Variants in LATS2 observed in about 807,000 individuals in gnomAD.
LATS2 encodes the protein large tumor suppressor kinase 2.
In LATS2, 24 loss-of-function variants were observed where a neutral mutation model predicts 76.0. The ratio of observed to expected loss-of-function variants is 0.32; its 90% CI spans 0.23 to 0.44. LATS2 has a LOEUF of 0.44. LATS2 is among the 20% of genes least tolerant of loss of function. LATS2 has a pLI of 1.00. For synonymous variants in LATS2, 692 were observed against 635.4 expected (o/e 1.09, Z -1.34); for missense variants, 1,286 against 1,481.2 (o/e 0.87, Z 2.16).
At chr13:21,040,249 T>C (rs981732217) in intron 2 of LATS2, among the ~76,000 whole-genome samples, 4 of 151,156 alleles carry the variant, frequency 2.6e-5, no homozygotes, top group African/African-American at 7.3e-5. Flanking sequence ...TAGCCAGACA[T>C]GGTGATGTGC....
intron 1 of LATS2, among the ~76,000 whole-genome samples, chr13:21,050,073 T>C (rs1218244397): frequency 6.7e-6 from 1 of 150,284 alleles, no homozygotes. Flanking sequence ...TGAGCTGAGA[T>C]TGTGCCACTG....
At chr13:21,028,390 A>AT (rs1216980140) in intron 2 of LATS2, among the ~76,000 whole-genome samples, 1 of 152,090 alleles carries the variant, frequency 6.6e-6, no homozygotes, top group Non-Finnish European at 1.5e-5. Context: ...CAATAAACAT[A>AT]TGTGTGCATG....
In LATS2 at chr13:21,032,751, AAAAG is replaced by A. The variant is rs759786158; in HGVS notation, c.342+12930_342+12933del. 1.0e-3 allele frequency among the ~76,000 whole-genome samples: 156 copies of A among 152,206 alleles called. 1 individual carries two copies. Among genetic ancestry groups the A allele is most frequent in the Admixed American group, 4.1e-3 (63 of 15,280 alleles). ...GGTACCGACACAAATGGGAATTCAGAAAAGAAAGAACTTAGCGGGCACTGGGATG... is the reference window on the plus strand; with the variant it reads ...GGTACCGACACAAATGGGAATTCAGAAAAGAACTTAGCGGGCACTGGGATG... On this transcript the variant is annotated intron_variant, in intron 2 of 7. Coordinates refer to ENST00000382592, the MANE Select transcript of LATS2 (RefSeq NM_014572.3).
intron 2 of LATS2, among the ~76,000 whole-genome samples, chr13:21,011,115 T>C (rs1004781762): frequency 2.0e-5 from 3 of 152,254 alleles, no homozygotes; most frequent in Non-Finnish European, 4.4e-5. Flanking sequence ...GGCATGTTGA[T>C]TTTTGCAGAA....
At chr13:21,036,832 T>C (rs920227759) in intron 2 of LATS2, among the ~76,000 whole-genome samples, 1 of 152,096 alleles carries the variant, frequency 6.6e-6, no homozygotes, top group Non-Finnish European at 1.5e-5. Flanking sequence ...AAACTGACAG[T>C]TGCTTCTAGT....
At chr13:21,016,990 G>A (rs1370794740) in intron 2 of LATS2, among the ~76,000 whole-genome samples, 1 of 152,150 alleles carries the variant, frequency 6.6e-6, no homozygotes, top group Non-Finnish European at 1.5e-5. Flanking sequence ...AATCACTTAT[G>A]AGAAAAAAAC....
rs371770242 is a variant in LATS2 at position 21,014,896 on chromosome 13, G to A, written c.343-23492C>T. Among the ~76,000 whole-genome samples the A allele has an allele frequency of 1.4e-3, 215 of 152,314 alleles. 1 individual carries two copies. Among genetic ancestry groups the A allele is most frequent in the African/African-American group, 4.6e-3 (191 of 41,570 alleles). ...TTTAAACTATTCTAAGATCTTGTCT[G>A]CTTTATGACACGTTAGTTTTGAAAG... On this transcript the variant is annotated intron_variant, in intron 2 of 7. Transcript: ENST00000382592.
chr13:21,050,684 C>T (rs1270553707), intron 1 of LATS2, among the ~76,000 whole-genome samples: 1 of 152,232 alleles, frequency 6.6e-6, no homozygotes, highest in East Asian at 1.9e-4. Flanking sequence ...GTTGCCATGG[C>T]TCCAGGCCCA....
intron 4 of LATS2, among the ~76,000 whole-genome samples, chr13:20,985,316 G>A (rs1870092379): frequency 6.6e-6 from 1 of 152,158 alleles, no homozygotes; most frequent in Admixed American, 6.5e-5. Context: ...AAACAACAGA[G>A]TAAAGAGGAT....
intron 2 of LATS2, among the ~76,000 whole-genome samples, chr13:21,023,646 T>TAACAA: frequency 1.4e-5 from 1 of 70,076 alleles, no homozygotes; most frequent in African/African-American, 7.4e-5. Flanking sequence ...TGACTGGCTT[T>TAACAA]AAAAAAAAAA....
At chr13:20,985,650 A>G (rs938613563) in intron 4 of LATS2, among the ~76,000 whole-genome samples, 2 of 152,192 alleles carry the variant, frequency 1.3e-5, no homozygotes, top group African/African-American at 4.8e-5. Context: ...AGGCAGGAGA[A>G]TAGCTTGAAT....
At chr13:21,023,629 T>C (rs1188455644) in intron 2 of LATS2, among the ~76,000 whole-genome samples, 1 of 123,514 alleles carries the variant, frequency 8.1e-6, no homozygotes, top group East Asian at 2.7e-4. Flanking sequence ...AAATGACACA[T>C]TTTCTATGAC....
intron 2 of LATS2, among the ~76,000 whole-genome samples, chr13:21,010,725 T>C (rs1016914746): frequency 6.6e-6 from 1 of 152,192 alleles, no homozygotes; most frequent in Non-Finnish European, 1.5e-5. Context: ...CACATGTACT[T>C]TGAATTCCTG....
rs1870383449 is a variant in LATS2 at position 20,989,120 on chromosome 13, G to T, written c.660C>A (p.Gly220=). The part of the protein sequence containing the change: ...PYVDYLFPGV[G]PHGPGHQHQH... ...GGTGCTGGTGGCCGGGCCCGTGGGG[G>T]CCGACTCCGGGGAAAAGGTAGTCCA... Residue 220 remains glycine, a synonymous_variant, in exon 4 of 8, where the codon GGC becomes GGA. Coordinates refer to ENST00000382592, the MANE Select transcript of LATS2 (RefSeq NM_014572.3). 9 of 1,607,018 alleles carry T rather than the reference G, an allele frequency of 5.6e-6. No individual in the cohort carries two copies. Among genetic ancestry groups the T allele is most frequent in the Non-Finnish European group, 7.6e-6 (9 of 1,177,582 alleles).
At position 21,035,447 on chromosome 13, in the gene LATS2, C is replaced by T. The variant is rs147706247; in HGVS notation, c.342+10238G>A. ...ACAGAAACAGTTTAAATGAAGCCCC[C>T]ACACAGAATTGCATGCAGACTGGAG... On this transcript the variant is annotated intron_variant, in intron 2 of 7. Coordinates refer to ENST00000382592, the MANE Select transcript of LATS2 (RefSeq NM_014572.3). 7.5e-3 allele frequency among the ~76,000 whole-genome samples: 1,134 copies of T among 152,210 alleles called. 15 individuals are homozygous for T. Among genetic ancestry groups the T allele is most frequent in the African/African-American group, 0.026 (1,076 of 41,526 alleles).
At chr13:21,037,310 G>A (rs1595250286) in intron 2 of LATS2, among the ~76,000 whole-genome samples, 1 of 152,140 alleles carries the variant, frequency 6.6e-6, no homozygotes, top group African/African-American at 2.4e-5. Context: ...AGGCTGACGG[G>A]GGAGAATCGC....
At chr13:21,061,176 G>C (rs1044442497) in intron 1 of LATS2, among the ~76,000 whole-genome samples, 170 bp downstream of exon 1, 1 of 150,934 alleles carries the variant, frequency 6.6e-6, no homozygotes, top group African/African-American at 2.4e-5. Flanking sequence ...GACCGTGGGG[G>C]CAGGGCGCAG....
At position 20,983,680 on chromosome 13, in the gene LATS2, T is replaced by A; in HGVS notation, c.2026A>T (p.Ile676Phe). Reference protein sequence around the residue: ...SMFVKIKTLGIGAFGEVCLAC... With the variant: ...SMFVKIKTLGFGAFGEVCLAC... Reference sequence around the variant, plus strand: ...AGGCACACTTCTCCAAAGGCACCGATCCCCAGGGTTTTGATCTTGACAAAC... The same window carrying A: ...AGGCACACTTCTCCAAAGGCACCGAACCCCAGGGTTTTGATCTTGACAAAC... The change falls in exon 5 of 8, where the codon ATC (isoleucine) becomes TTC (phenylalanine). Residue 676 changes from isoleucine (I) to phenylalanine (F), a missense_variant. By Grantham distance (21) the Ile-to-Phe change is conservative. Around this residue, in one of 5 missense-constraint regions of LATS2, gnomAD observed 247 missense variants for 385.4 expected, o/e 0.64. Coordinates refer to ENST00000382592, the MANE Select transcript of LATS2 (RefSeq NM_014572.3). 1 of 1,614,162 alleles carries A rather than the reference T, an allele frequency of 6.2e-7. No individual in the cohort carries two copies. The highest frequency in any genetic ancestry group is 8.5e-7 in the Non-Finnish European group (1 of 1,180,030).
intron 1 of LATS2, among the ~76,000 whole-genome samples, chr13:21,047,749 T>G (rs1565965678): frequency 6.6e-6 from 1 of 151,458 alleles, no homozygotes; most frequent in Non-Finnish European, 1.5e-5. Context: ...CCTTACTATG[T>G]GTCAGGTGCG....
Sources: allele counts gnomAD v4.1 joint callset (sites outside exome capture counted in the v4.1 genomes callset), GRCh38; gene constraint gnomAD v4.1.1; regional missense constraint gnomAD v4.1.1; transcripts MANE v1.5; gene names NCBI Gene and HGNC (gene_info 2026-07-23, HGNC 2026-07-21).